Variants in ZNF546 observed in about 807,000 individuals in gnomAD.
ZNF546 encodes the protein zinc finger protein 546.
In ZNF546, 60 loss-of-function variants were observed where a neutral mutation model predicts 76.2. That is an observed-to-expected ratio of 0.79 (90% CI 0.64 to 0.98). ZNF546 has a LOEUF of 0.98. ZNF546 is among the 50% of genes least tolerant of loss of function. The pLI is 0.00. For synonymous variants in ZNF546, 277 were observed against 328.1 expected, an observed-to-expected ratio of 0.84 and a Z score of 1.68; for missense variants, 936 against 1,035.6, an observed-to-expected ratio of 0.90 and a Z score of 1.32.
chr19:40,006,301 T>C, intron 4 of ZNF546, 119 bp downstream of exon 4: 2 of 799,774 alleles, frequency 2.5e-6, no homozygotes, highest in South Asian at 1.7e-5. Context: ...TGCTCCCTAG[T>C]TACTCCCTAG....
Position 40,004,141 on chromosome 19 carries a change from T to G in ZNF546, c.85-1955T>G, listed in dbSNP as rs965564917. Among the ~76,000 whole-genome samples the G allele has an allele frequency of 5.9e-4, 84 of 143,230 alleles. 2 individuals are homozygous for G. The highest frequency in any genetic ancestry group is 5.7e-4 in the Non-Finnish European group (38 of 66,926). The allele number at this position is 143,230 out of a possible 152,430, so 94.0% of individuals were successfully genotyped here. A position where few individuals can be genotyped will look rare whatever the true frequency, so the allele number is the denominator to read the frequency against. On this transcript the variant is annotated intron_variant, in intron 3 of 6. Coordinates refer to ENST00000347077, the MANE Select transcript of ZNF546 (RefSeq NM_178544.5). Reference sequence around the variant, plus strand: ...ATAACTATATTAATATATATATATATCAGCTGTTTTTAGATTATCTTAAGC... The same window carrying G: ...ATAACTATATTAATATATATATATAGCAGCTGTTTTTAGATTATCTTAAGC...
rs543518233 is a variant in ZNF546, at chr19:40,013,563, T to A, written c.395-102T>A. The A allele has an allele frequency of 1.6e-4, 157 of 960,986 alleles. 1 individual carries two copies. In the South Asian group the frequency reaches 3.0e-3, roughly 18 times the overall value. 59.5% of individuals were successfully genotyped at this position (960,986 alleles called of 1,614,324 possible). On this transcript the variant is annotated intron_variant, in intron 6 of 6. Transcript: ENST00000347077. The stretch of plus-strand genomic sequence containing the variant: ...ATGTATGTTATTTCTGTTTATCTTT[T>A]ATTTCTACTATGAGGTACAACCCCC...
Position 40,015,377 on chromosome 19 carries a change from A to T in ZNF546, c.2107A>T (p.Ile703Phe). ...ATGTAATGAATGTGGGAATGCTTTTATTTGCAGTTATCGACTTACATTACA... is the reference window on the plus strand; with the variant it reads ...ATGTAATGAATGTGGGAATGCTTTTTTTTGCAGTTATCGACTTACATTACA... ...YICNECGNAFICSYRLTLHQR... is the reference protein window; with the variant it reads ...YICNECGNAFFCSYRLTLHQR... The change falls in exon 7 of 7, where the codon ATT becomes TTT. Residue 703 changes from isoleucine to phenylalanine, a missense_variant. Physicochemically the swap from Ile to Phe is conservative, Grantham distance 21. Coordinates refer to ENST00000347077, the MANE Select transcript of ZNF546 (RefSeq NM_178544.5). The T allele has an allele frequency of 1.2e-6, 2 of 1,614,172 alleles. No homozygotes were observed. The highest frequency in any genetic ancestry group is 1.7e-6 in the Non-Finnish European group (2 of 1,180,040).
intron 6 of ZNF546, 55 bp downstream of exon 6, chr19:40,008,620 G>A: frequency 4.9e-6 from 7 of 1,431,960 alleles, no homozygotes; most frequent in Non-Finnish European, 6.9e-6. Flanking sequence ...GACCCATGAT[G>A]TCAGGGAGGA....
chr19:39,998,188 CTCTGGTCTATA>C, intron 2 of ZNF546, 49 bp from the exon 3 acceptor site: 3 of 621,172 alleles, frequency 4.8e-6, no homozygotes, highest in Non-Finnish European at 8.5e-6. Flanking sequence ...AATTGCAACT[CTCTGGTCTATA>C]TCTTTAAGTA....
rs897697116 is a variant in ZNF546, at chr19:40,015,098, A to C, written c.1828A>C (p.Ile610Leu). The change falls in exon 7 of 7, where the codon ATA becomes CTA. Residue 610 changes from isoleucine (I) to leucine (L), a missense_variant. Ile to Leu is a conservative substitution (Grantham distance 5). Coordinates refer to ENST00000347077, the MANE Select transcript of ZNF546 (RefSeq NM_178544.5). Reference sequence around the variant, plus strand: ...AATTCATACTGGTGAAAAACCCTACATATGTAATGAATGTGGGAAAGCCTT... The same window carrying C: ...AATTCATACTGGTGAAAAACCCTACCTATGTAATGAATGTGGGAAAGCCTT... ...FKIHTGEKPY[I>L]CNECGKAFRF... 1.2e-6 allele frequency: 2 copies of C among 1,613,958 alleles called. No individual in the cohort carries two copies. The highest frequency in any genetic ancestry group is 1.7e-6 in the Non-Finnish European group (2 of 1,179,910).
chr19:40,001,325 A>T (rs1971526278), intron 3 of ZNF546, among the ~76,000 whole-genome samples: 1 of 151,416 alleles, frequency 6.6e-6, no homozygotes, highest in Middle Eastern at 3.2e-3. Flanking sequence ...TTGAAGAATG[A>T]TGTCCCCCCT....
At position 40,014,525 on chromosome 19, in the gene ZNF546, G is replaced by A; in HGVS notation, c.1255G>A (p.Gly419Ser). 1 of 1,613,974 alleles carries A rather than the reference G, an allele frequency of 6.2e-7. No individual in the cohort carries two copies. The highest frequency in any genetic ancestry group is 8.5e-7 in the Non-Finnish European group (1 of 1,180,008). The change falls in exon 7 of 7, where the codon GGT (glycine) becomes AGT (serine). Residue 419 changes from glycine to serine, a missense_variant. Transcript: ENST00000347077. ...AAAACCCTACGAATGTAAAGAATGT[G>A]GTAAGTCCTTTAGTTTTCATGCAGA... ...GEKPYECKEC[G>S]KSFSFHAELA...
intron 3 of ZNF546, among the ~76,000 whole-genome samples, chr19:40,001,598 G>T (rs1051339209): frequency 6.6e-6 from 1 of 152,054 alleles, no homozygotes; most frequent in Non-Finnish European, 1.5e-5. Flanking sequence ...CTGACCTCAG[G>T]TGATCCACCC....
intron 6 of ZNF546, among the ~76,000 whole-genome samples, chr19:40,010,902 C>T (rs1270920786): frequency 1.3e-5 from 2 of 152,074 alleles, no homozygotes; most frequent in African/African-American, 4.8e-5. Flanking sequence ...AGGCTGGTCT[C>T]GAACTCCTGA....
rs1971703229 is a variant in ZNF546 at position 40,013,756 on chromosome 19, T to C, written c.486T>C (p.Ser162=). 1 of 1,610,640 alleles carries C rather than the reference T, an allele frequency of 6.2e-7. No individual in the cohort carries two copies. Among genetic ancestry groups the C allele is most frequent in the African/African-American group, 1.3e-5 (1 of 74,130 alleles). ...CTCAATTGCAGACAGGGGAAAAAAG[T>C]AAAAACACCATCCATGAGGACACCA... is the stretch of plus-strand genomic sequence containing the variant. The part of the protein sequence containing the change: ...YLSQLQTGEK[S]KNTIHEDTIF... Residue 162 remains serine, a synonymous_variant, in exon 7 of 7, where the codon AGT becomes AGC. Coordinates refer to ENST00000347077, the MANE Select transcript of ZNF546 (RefSeq NM_178544.5).
Position 39,998,543 on chromosome 19 carries a change from A to G in ZNF546, c.84+133A>G, listed in dbSNP as rs2144633756. ...CAGTTTTAAAATATGACAGGATTAGAGATGACCTGACTAGTGTCAGTAAGC... is the reference window on the plus strand; with the variant it reads ...CAGTTTTAAAATATGACAGGATTAGGGATGACCTGACTAGTGTCAGTAAGC... On this transcript the variant is annotated intron_variant, in intron 3 of 6. Coordinates refer to ENST00000347077, the MANE Select transcript of ZNF546 (RefSeq NM_178544.5). 5 of 748,490 alleles carry G rather than the reference A, an allele frequency of 6.7e-6. No individual in the cohort carries two copies. In the South Asian group the frequency reaches 8.8e-5, roughly 13 times the overall value. The allele number at this position is 748,490 out of a possible 1,614,324, so 46.4% of individuals were successfully genotyped here.
intron 6 of ZNF546, 127 bp downstream of exon 6, chr19:40,008,692 C>T: frequency 1.7e-6 from 1 of 576,352 alleles, no homozygotes. Flanking sequence ...GGAAAAAGGA[C>T]TGATACCTGG....
At chr19:40,001,415 TGCTGTGGCTCAATCTCA>T (rs1971528426) in intron 3 of ZNF546, among the ~76,000 whole-genome samples, 1 of 151,636 alleles carries the variant, frequency 6.6e-6, no homozygotes, top group African/African-American at 2.4e-5. Flanking sequence ...CTGGCTGGAG[TGCTGTGGCTCAATCTCA>T]GCTCATTGCA....
rs954894610 is a variant in ZNF546 at position 40,013,929 on chromosome 19, A to T, written c.659A>T (p.Lys220Met). 5.6e-6 allele frequency: 9 copies of T among 1,610,246 alleles called. No individual in the cohort carries two copies. In the African/African-American group the frequency reaches 1.2e-4, roughly 22 times the overall value. The change falls in exon 7 of 7, where the codon AAG (lysine) becomes ATG (methionine). Residue 220 changes from lysine (K) to methionine (M), a missense_variant. Lys to Met is a moderately conservative substitution (Grantham distance 95, BLOSUM62 -1). Transcript: ENST00000347077. ...GCTAGAGAGAAATCATATGAATGTAAGGAATGTAGAAAGGCCTTTAGACAA... is the reference window on the plus strand; with the variant it reads ...GCTAGAGAGAAATCATATGAATGTATGGAATGTAGAAAGGCCTTTAGACAA... ...IHAREKSYECKECRKAFRQQS... is the reference protein window; with the variant it reads ...IHAREKSYECMECRKAFRQQS...
Position 40,014,464 on chromosome 19 carries a change from A to G in ZNF546, c.1194A>G (p.Ser398=), listed in dbSNP as rs758648271. The G allele has an allele frequency of 2.1e-5, 34 of 1,612,000 alleles. No homozygotes were observed. The highest frequency in any genetic ancestry group is 3.3e-5 in the Admixed American group (2 of 59,846). The stretch of plus-strand genomic sequence containing the variant: ...GTGGGAAGGCCTTTAGTCATGGCTC[A>G]TACCTTGTTCAACATCAGAAAATTC... ...NECGKAFSHG[S]YLVQHQKIHT... is the part of the protein sequence containing the mutation. Residue 398 remains serine, a synonymous_variant, in exon 7 of 7, where the codon TCA becomes TCG. Coordinates refer to ENST00000347077, the MANE Select transcript of ZNF546 (RefSeq NM_178544.5).
intron 5 of ZNF546, 129 bp from the exon 6 acceptor site, chr19:40,008,341 A>C (rs1971632074): frequency 3.6e-6 from 2 of 561,418 alleles, no homozygotes; most frequent in Non-Finnish European, 6.3e-6. Context: ...CTTTACTGTC[A>C]TGGCATTGTC....
rs1971837140 is a variant in ZNF546 at position 40,020,237 on chromosome 19, A to G, written c.*4456A>G. 1 of 152,176 alleles carries G rather than the reference A, an allele frequency of 6.6e-6. No homozygotes were observed. The highest frequency in any genetic ancestry group is 1.5e-5 in the Non-Finnish European group (1 of 68,000). The allele number at this position is 152,176 out of a possible 1,614,324, so 9.4% of individuals were successfully genotyped here. On this transcript the variant is annotated 3_prime_UTR_variant, in exon 7 of 7. Coordinates refer to ENST00000347077, the MANE Select transcript of ZNF546 (RefSeq NM_178544.5). The stretch of plus-strand genomic sequence containing the variant: ...CTTGGACTAATGTCCATTGTCAACC[A>G]AAATGTCTGTGATCTCATGGATCCA...
chr19:39,998,483 C>T (rs1971484749), intron 3 of ZNF546, 73 bp downstream of exon 3: 8 of 1,256,430 alleles, frequency 6.4e-6, no homozygotes, highest in South Asian at 3.7e-5. Context: ...GGTAGAATCA[C>T]ATCATCCATC....
Sources: gnomAD v4.1 joint callset for allele counts (sites outside exome capture counted in the v4.1 genomes callset) on GRCh38, gnomAD v4.1.1 for gene constraint, MANE v1.5 for transcripts, NCBI Gene and HGNC (gene_info 2026-07-23, HGNC 2026-07-21) for gene names.